The following RNF121 variants were observed in gnomAD, a reference collection of about 807,000 sequenced individuals.
The protein encoded by RNF121 is ring finger protein 121.
In RNF121, 21 loss-of-function variants were observed where a neutral mutation model predicts 46.5. That is an observed-to-expected ratio of 0.45 (90% CI 0.32 to 0.65). The LOEUF (loss-of-function observed/expected upper bound fraction) is 0.65, where lower values mean the gene tolerates loss of function less well. Ranked by LOEUF, RNF121 falls within the 30% of genes least tolerant of loss-of-function variation. The probability of loss-of-function intolerance (pLI) is 0.04; values close to 1 mark genes in which losing one functional copy is unlikely to be tolerated. For synonymous variants in RNF121, 139 were observed against 144.7 expected, an observed-to-expected ratio of 0.96 and a Z score of 0.28; for missense variants, 346 against 416.0, an observed-to-expected ratio of 0.83 and a Z score of 1.46.
Position 71,941,627 on chromosome 11 carries a change from T to C in RNF121, c.63+12503T>C, listed in dbSNP as rs527810739. 3.9e-5 allele frequency among the ~76,000 whole-genome samples: 6 copies of C among 152,356 alleles called. No individual in the cohort carries two copies. The South Asian group carries it at 1.2e-3, about 32-fold the overall frequency. ...AAGATGACTAGAAGAGAAAGGCTACTTTAAATAGGGTGATTATGGAAAGCC... is the reference window on the plus strand; with the variant it reads ...AAGATGACTAGAAGAGAAAGGCTACCTTAAATAGGGTGATTATGGAAAGCC... On this transcript the variant is annotated intron_variant, in intron 1 of 8. Coordinates refer to ENST00000361756, the MANE Select transcript of RNF121 (RefSeq NM_018320.5).
chr11:71,954,019 G>A (rs1431206122), intron 1 of RNF121, among the ~76,000 whole-genome samples: 4 of 152,152 alleles, frequency 2.6e-5, no homozygotes, highest in African/African-American at 9.7e-5. Context: ...GGAGCAATTG[G>A]CTAGCATTAA....
At chr11:71,963,064 CTT>C (rs1311771213) in intron 3 of RNF121, among the ~76,000 whole-genome samples, 1 of 151,882 alleles carries the variant, frequency 6.6e-6, no homozygotes, top group Non-Finnish European at 1.5e-5. Context: ...AATTTTTTGT[CTT>C]TTTGTTGAGT....
chr11:71,941,812 T>A (rs1953574262), intron 1 of RNF121, among the ~76,000 whole-genome samples: 1 of 152,144 alleles, frequency 6.6e-6, no homozygotes. Flanking sequence ...GTGTGACAGA[T>A]CATAATTAGC....
At chr11:71,940,233 T>C (rs536756766) in intron 1 of RNF121, among the ~76,000 whole-genome samples, 3 of 152,348 alleles carry the variant, frequency 2.0e-5, no homozygotes, top group Admixed American at 1.3e-4. Context: ...ACCATGTTTC[T>C]TGCATTCAGG....
At chr11:71,960,620 G>C in intron 2 of RNF121, 130 bp from the exon 3 acceptor site, 1 of 1,062,124 alleles carries the variant, frequency 9.4e-7, no homozygotes, top group South Asian at 1.7e-5. Context: ...CCTAATTTGT[G>C]TGGTACCCTG....
At position 71,929,197 on chromosome 11, in the gene RNF121, G is replaced by T. The variant is rs1236999400; in HGVS notation, c.63+73G>T. On this transcript the variant is annotated intron_variant, in intron 1 of 8. Transcript: ENST00000361756. ...GAGGGGCAGTGAGGTATCGGGAGGT[G>T]GGGGTCTTAGGAGAGAAGGGAAAGA... 7 of 1,507,774 alleles carry T rather than the reference G, an allele frequency of 4.6e-6. No individual in the cohort carries two copies. The Admixed American group carries it at 1.5e-4, about 32-fold the overall frequency. The allele number at this position is 1,507,774 out of a possible 1,614,324, so 93.4% of individuals were successfully genotyped here. A position where few individuals can be genotyped will look rare whatever the true frequency, so the allele number is the denominator to read the frequency against.
At chr11:71,982,481 TAAGA>T (rs551975248) in intron 3 of RNF121, among the ~76,000 whole-genome samples, 29 of 152,062 alleles carry the variant, frequency 1.9e-4, no homozygotes, top group African/African-American at 6.8e-4. Flanking sequence ...GCAGGGAGAC[TAAGA>T]AAGAGCTCAT....
At chr11:71,933,238 A>G (rs1362346427) in intron 1 of RNF121, among the ~76,000 whole-genome samples, 1 of 152,220 alleles carries the variant, frequency 6.6e-6, no homozygotes, top group East Asian at 1.9e-4. Flanking sequence ...CAGCCAGGGC[A>G]TTGCCTGGCT....
intron 1 of RNF121, among the ~76,000 whole-genome samples, chr11:71,935,827 A>G (rs1315603730): frequency 6.6e-6 from 1 of 151,794 alleles, no homozygotes; most frequent in Non-Finnish European, 1.5e-5. Flanking sequence ...TGAATGAATG[A>G]AGACATAATA....
At position 71,996,229 on chromosome 11, in the gene RNF121, C is replaced by T. The variant is rs1954974361; in HGVS notation, c.898C>T (p.Leu300=). ...GCCTCACGTCATGTATGGGCAACTG[C>T]TGGACTGGCTTCGATACTTGGTAGC... ...ERPHVMYGQL[L]DWLRYLVAWQ... is the part of the protein sequence containing the mutation. The change falls in exon 9 of 9, where the codon CTG becomes TTG. Residue 300 remains leucine, a synonymous_variant. Coordinates refer to ENST00000361756, the MANE Select transcript of RNF121 (RefSeq NM_018320.5). 6.2e-7 allele frequency: 1 copy of T among 1,614,194 alleles called. No homozygotes were observed. The highest frequency in any genetic ancestry group is 1.7e-5 in the Admixed American group (1 of 60,028).
At chr11:71,975,725 G>C (rs1374468936) in intron 3 of RNF121, among the ~76,000 whole-genome samples, 2 of 152,196 alleles carry the variant, frequency 1.3e-5, no homozygotes, top group African/African-American at 4.8e-5. Context: ...TGACTCGTTT[G>C]CTTGAAGTGG....
Position 71,929,129 on chromosome 11 carries a change from G to C in RNF121, c.63+5G>C. 6.4e-7 allele frequency: 1 copy of C among 1,551,276 alleles called. No homozygotes were observed. The highest frequency in any genetic ancestry group is 8.7e-7 in the Non-Finnish European group (1 of 1,146,826). On this transcript the variant is annotated splice_donor_5th_base_variant and intron_variant, in intron 1 of 8. Transcript: ENST00000361756. ...GGGGAACGGGAGCTGGATGAGGTAAGCGGAGTTGAGAGACGAGGAGAGACT... is the reference window on the plus strand; with the variant it reads ...GGGGAACGGGAGCTGGATGAGGTAACCGGAGTTGAGAGACGAGGAGAGACT...
intron 3 of RNF121, among the ~76,000 whole-genome samples, chr11:71,966,198 T>G (rs930743099): frequency 9.2e-5 from 14 of 152,290 alleles, no homozygotes; most frequent in Non-Finnish European, 5.9e-5. Flanking sequence ...TTTGTATTTT[T>G]AGTAGAGACA....
chr11:71,948,398 C>T (rs1953777083), intron 1 of RNF121, among the ~76,000 whole-genome samples: 1 of 151,196 alleles, frequency 6.6e-6, no homozygotes, highest in Non-Finnish European at 1.5e-5. Flanking sequence ...ACTTGTAGCC[C>T]CACCTACTTG....
At chr11:71,930,025 A>G (rs538695794) in intron 1 of RNF121, among the ~76,000 whole-genome samples, 2 of 152,364 alleles carry the variant, frequency 1.3e-5, no homozygotes, top group East Asian at 3.9e-4. Context: ...TCTAATAGGC[A>G]TTTAAAGACT....
intron 3 of RNF121, among the ~76,000 whole-genome samples, chr11:71,964,344 TTG>T (rs1167227492): frequency 6.6e-6 from 1 of 152,196 alleles, no homozygotes; most frequent in African/African-American, 2.4e-5. Context: ...ACTGATCGTT[TTG>T]TGTTAGTCTT....
intron 3 of RNF121, among the ~76,000 whole-genome samples, chr11:71,964,067 A>G (rs1438393144): frequency 2.0e-5 from 3 of 152,218 alleles, no homozygotes; most frequent in African/African-American, 7.2e-5. Flanking sequence ...TGGAATTTTG[A>G]TAAAGATTGG....
At chr11:71,992,112 TA>T (rs1356647550) in intron 6 of RNF121, among the ~76,000 whole-genome samples, 1 of 152,160 alleles carries the variant, frequency 6.6e-6, no homozygotes, top group Non-Finnish European at 1.5e-5. Flanking sequence ...TCTAAATAAG[TA>T]AAAATTCACA....
At chr11:71,977,832 C>G (rs934794173) in intron 3 of RNF121, among the ~76,000 whole-genome samples, 3 of 152,200 alleles carry the variant, frequency 2.0e-5, no homozygotes, top group African/African-American at 7.2e-5. Flanking sequence ...GTTTATATCG[C>G]ATTAGCCAAG....
Sources: gnomAD v4.1 joint callset for allele counts (sites outside exome capture counted in the v4.1 genomes callset) on GRCh38, gnomAD v4.1.1 for gene constraint, MANE v1.5 for transcripts, NCBI Gene and HGNC (gene_info 2026-07-23, HGNC 2026-07-21) for gene names.